The following MAGI2 variants were observed in gnomAD, a reference collection of about 807,000 sequenced individuals.
MAGI2 encodes membrane associated guanylate kinase, WW and PDZ domain containing 2.
MAGI2 carries 35 observed loss-of-function variants against 133.3 expected under a neutral mutation model. The ratio of observed to expected loss-of-function variants is 0.26; its 90% confidence interval spans 0.20 to 0.35. MAGI2 has a LOEUF of 0.35. Among genes scored for constraint, MAGI2 ranks in the 10% least tolerant of loss-of-function variants. The probability of loss-of-function intolerance (pLI) is 1.00; values close to 1 mark genes in which losing one functional copy is unlikely to be tolerated. For synonymous variants in MAGI2, 729 were observed against 710.6 expected, an observed-to-expected ratio of 1.03 and a Z score of -0.41; for missense variants, 1,636 against 1,863.4, an observed-to-expected ratio of 0.88 and a Z score of 2.25.
chr7:78,073,812 C>T (rs529226577), intron 21 of MAGI2, among the ~76,000 whole-genome samples: 2 of 152,314 alleles, frequency 1.3e-5, no homozygotes, highest in South Asian at 2.1e-4. Flanking sequence ...TTCCTTTTCT[C>T]TTAACCTTTG....
At chr7:78,638,077 A>G (rs1486653000) in intron 2 of MAGI2, among the ~76,000 whole-genome samples, 2 of 151,888 alleles carry the variant, frequency 1.3e-5, no homozygotes, top group Non-Finnish European at 2.9e-5. Context: ...AAAAAATAAA[A>G]AGAAAAGAAA....
At chr7:79,001,061 T>G (rs1442793964) in intron 2 of MAGI2, among the ~76,000 whole-genome samples, 2 of 152,028 alleles carry the variant, frequency 1.3e-5, no homozygotes, top group Non-Finnish European at 2.9e-5. Flanking sequence ...GGACTGCAGG[T>G]GCACACCACC....
intron 3 of MAGI2, among the ~76,000 whole-genome samples, chr7:78,604,394 T>C (rs1204196682): frequency 6.6e-6 from 1 of 152,200 alleles, no homozygotes; most frequent in Non-Finnish European, 1.5e-5. Flanking sequence ...GAAACTCATC[T>C]GAAGTGGTTT....
At chr7:78,061,820 C>A (rs949056275) in intron 21 of MAGI2, among the ~76,000 whole-genome samples, 1 of 152,198 alleles carries the variant, frequency 6.6e-6, no homozygotes, top group Non-Finnish European at 1.5e-5. Flanking sequence ...CCAGCGAATA[C>A]ACTGACCAAC....
chr7:78,407,396 T>G (rs984639429), intron 6 of MAGI2, among the ~76,000 whole-genome samples: 3 of 151,964 alleles, frequency 2.0e-5, no homozygotes, highest in African/African-American at 7.2e-5. Flanking sequence ...AAAAAAAAAG[T>G]CACCTTTTGT....
intron 6 of MAGI2, among the ~76,000 whole-genome samples, chr7:78,447,432 A>T (rs1157669074): frequency 6.6e-6 from 1 of 151,938 alleles, no homozygotes; most frequent in East Asian, 1.9e-4. Flanking sequence ...TAATTTTACT[A>T]ATCCTCTGGG....
chr7:78,552,176 C>CTTTTTTTTTTTTT (rs869196799), intron 3 of MAGI2, among the ~76,000 whole-genome samples: 2 of 90,348 alleles, frequency 2.2e-5, no homozygotes, highest in Non-Finnish European at 2.1e-5. Flanking sequence ...ATTTGTTTTC[C>CTTTTTTTTTTTTT]TTTTTTTTTT....
chr7:79,214,254 A>G (rs1829761552), intron 1 of MAGI2, among the ~76,000 whole-genome samples: 1 of 150,562 alleles, frequency 6.6e-6, no homozygotes, highest in Non-Finnish European at 1.5e-5. Context: ...CTTTTATTAC[A>G]TGACATGAAC....
chr7:78,337,792 G>A (rs1026981112), intron 9 of MAGI2, among the ~76,000 whole-genome samples: 5 of 152,050 alleles, frequency 3.3e-5, no homozygotes, highest in Non-Finnish European at 5.9e-5. Context: ...TCAGTGGTCC[G>A]CTACATTGTC....
chr7:78,578,860 C>A (rs996899343), intron 3 of MAGI2, among the ~76,000 whole-genome samples: 2 of 152,176 alleles, frequency 1.3e-5, no homozygotes, highest in South Asian at 4.1e-4. Flanking sequence ...TACTCCCAGG[C>A]CTTCAAAGAA....
At chr7:79,250,341 ACT>A (rs1484308835) in intron 1 of MAGI2, among the ~76,000 whole-genome samples, 1 of 120,622 alleles carries the variant, frequency 8.3e-6, no homozygotes, top group East Asian at 2.2e-4. Flanking sequence ...AAAGCTAATG[ACT>A]CTACCAAAAA....
intron 10 of MAGI2, among the ~76,000 whole-genome samples, chr7:78,231,409 GC>G (rs1789956501): frequency 1.3e-5 from 2 of 152,160 alleles, no homozygotes; most frequent in Non-Finnish European, 2.9e-5. Flanking sequence ...TGGCCCCTGC[GC>G]TCTAAATGCC....
At chr7:79,040,835 C>T (rs371509544) in intron 1 of MAGI2, among the ~76,000 whole-genome samples, 1 of 152,222 alleles carries the variant, frequency 6.6e-6, no homozygotes. Context: ...CAATGCAGAA[C>T]TGTGAGTCAA....
At chr7:78,717,469 A>G (rs1819831692) in intron 2 of MAGI2, among the ~76,000 whole-genome samples, 1 of 152,226 alleles carries the variant, frequency 6.6e-6, no homozygotes, top group African/African-American at 2.4e-5. Context: ...ATCTGCTACA[A>G]ATTTCCACTC....
chr7:79,134,384 A>G (rs1821193744), intron 1 of MAGI2, among the ~76,000 whole-genome samples: 1 of 152,116 alleles, frequency 6.6e-6, no homozygotes, highest in Admixed American at 6.6e-5. Context: ...GAAGTTTTTT[A>G]CTCCTAAATC....
At chr7:79,341,400 T>TAAA (rs143117898) in intron 1 of MAGI2, among the ~76,000 whole-genome samples, 19 of 150,626 alleles carry the variant, frequency 1.3e-4, no homozygotes, top group African/African-American at 4.6e-4. Flanking sequence ...TGTGTTTATT[T>TAAA]AAAAAAAAAA....
At chr7:78,050,010 C>G (rs3779327) in intron 21 of MAGI2, among the ~76,000 whole-genome samples, 11,368 of 152,212 alleles carry the variant, frequency 0.075, 519 homozygotes, top group Middle Eastern at 0.13. Flanking sequence ...CACTATTTCT[C>G]TTTTCTAATA....
chr7:79,056,800 TACA>T (rs1813186114), intron 1 of MAGI2, among the ~76,000 whole-genome samples: 1 of 152,174 alleles, frequency 6.6e-6, no homozygotes, highest in African/African-American at 2.4e-5. Flanking sequence ...CAGACAAAAA[TACA>T]CATTCACTAA....
At chr7:79,064,799 G>A (rs1814139456) in intron 1 of MAGI2, among the ~76,000 whole-genome samples, 1 of 152,086 alleles carries the variant, frequency 6.6e-6, no homozygotes, top group Non-Finnish European at 1.5e-5. Flanking sequence ...AGATTCGGCT[G>A]TTTCACTAGG....
Sources: allele counts gnomAD v4.1 joint callset (sites outside exome capture counted in the v4.1 genomes callset), GRCh38; gene constraint gnomAD v4.1.1; transcripts MANE v1.5; gene names NCBI Gene and HGNC (gene_info 2026-07-23, HGNC 2026-07-21).